Variants in USH2A observed in about 807,000 individuals in gnomAD.
USH2A encodes the protein usherin.
USH2A carries 443 observed loss-of-function variants against 538.9 expected under a neutral mutation model. That is an observed-to-expected ratio of 0.82 (90% CI 0.76 to 0.89). USH2A has a LOEUF of 0.89. Among genes scored for constraint, USH2A ranks in the 40% least tolerant of loss-of-function variants. The probability of loss-of-function intolerance (pLI) is 0.00; values close to 1 mark genes in which losing one functional copy is unlikely to be tolerated. For missense variants in USH2A, 6,633 were observed against 6,324.8 expected (o/e 1.05, Z -1.65); for synonymous variants, 2,413 against 2,273.5 (o/e 1.06, Z -1.75).
chr1:215,627,421 C>CCTTCCTTCT (rs1558027307), intron 71 of USH2A, among the ~76,000 whole-genome samples: 10 of 116,640 alleles, frequency 8.6e-5, no homozygotes, highest in African/African-American at 3.2e-4. Flanking sequence ...TCCTTCCTTC[C>CCTTCCTTCT]TTCCTTCCTT....
intron 30 of USH2A, among the ~76,000 whole-genome samples, chr1:216,049,510 G>A (rs766975594): frequency 2.0e-5 from 3 of 152,042 alleles, no homozygotes; most frequent in Non-Finnish European, 4.4e-5. Flanking sequence ...CCGCAAAGAC[G>A]TTTTTCAGAG....
chr1:216,003,849 A>G (rs1668330405), intron 32 of USH2A, among the ~76,000 whole-genome samples: 1 of 152,200 alleles, frequency 6.6e-6, no homozygotes, highest in African/African-American at 2.4e-5. Flanking sequence ...TGCCAGACGT[A>G]TAGATGGTAG....
chr1:216,390,013 TAA>T (rs34375465), intron 3 of USH2A, among the ~76,000 whole-genome samples: 92,851 of 151,796 alleles, frequency 0.61, 30,201 homozygotes, highest in East Asian at 0.8. Context: ...CTGTCAGTTT[TAA>T]AAGACAGTAA....
At chr1:216,231,272 A>ATATATATAATATATATATT (rs1448269695) in intron 14 of USH2A, among the ~76,000 whole-genome samples, 1 of 43,728 alleles carries the variant, frequency 2.3e-5, no homozygotes, top group Non-Finnish European at 4.7e-5. Context: ...ATATATATAT[A>ATATATATAATATATATATT]ATATATATAC....
intron 30 of USH2A, among the ~76,000 whole-genome samples, chr1:216,053,033 G>T (rs539816823): frequency 6.6e-6 from 1 of 152,096 alleles, no homozygotes; most frequent in African/African-American, 2.4e-5. Flanking sequence ...CGCTATATGC[G>T]TCTGGAAAAG....
intron 61 of USH2A, among the ~76,000 whole-genome samples, chr1:215,691,526 T>A (rs1467927417): frequency 2.0e-5 from 3 of 152,226 alleles, no homozygotes; most frequent in Non-Finnish European, 4.4e-5. Flanking sequence ...ATCTTCTCAA[T>A]GAGCCACTCT....
intron 64 of USH2A, among the ~76,000 whole-genome samples, chr1:215,669,146 TGTTTCTTATATATGG>T (rs1657728413): frequency 6.6e-6 from 1 of 152,124 alleles, no homozygotes; most frequent in African/African-American, 2.4e-5. Flanking sequence ...AGAAAGTTTG[TGTTTCTTATATATGG>T]GTCATTAAGT....
chr1:215,780,321 G>A (rs1048240364), intron 54 of USH2A, among the ~76,000 whole-genome samples: 7 of 152,032 alleles, frequency 4.6e-5, no homozygotes, highest in African/African-American at 1.7e-4. Flanking sequence ...GTTTAAACAA[G>A]TAAAATCTGG....
chr1:215,659,396 G>A (rs1657373134), intron 64 of USH2A, among the ~76,000 whole-genome samples: 1 of 152,142 alleles, frequency 6.6e-6, no homozygotes, highest in Non-Finnish European at 1.5e-5. Flanking sequence ...GACAGAATTG[G>A]ACAAAAATGA....
intron 3 of USH2A, among the ~76,000 whole-genome samples, chr1:216,414,400 A>G (rs1478714039): frequency 6.6e-6 from 1 of 152,148 alleles, no homozygotes; most frequent in African/African-American, 2.4e-5. Context: ...ATTCATTACC[A>G]TAGCAATATT....
intron 47 of USH2A, among the ~76,000 whole-genome samples, chr1:215,833,453 A>G (rs960561250): frequency 2.0e-5 from 3 of 152,012 alleles, no homozygotes; most frequent in Non-Finnish European, 2.9e-5. Context: ...AGAAAAGATA[A>G]TCTTTCCAAA....
At chr1:215,670,567 T>C (rs1315172823) in intron 64 of USH2A, among the ~76,000 whole-genome samples, 1 of 152,202 alleles carries the variant, frequency 6.6e-6, no homozygotes, top group African/African-American at 2.4e-5. Flanking sequence ...TCTGTATCTT[T>C]CTTGAGCACC....
intron 56 of USH2A, among the ~76,000 whole-genome samples, chr1:215,761,813 G>A (rs1660990139): frequency 6.6e-6 from 1 of 152,068 alleles, no homozygotes; most frequent in Non-Finnish European, 1.5e-5. Context: ...ACCACTTTAT[G>A]TTGTCATCTA....
chr1:215,920,562 C>G (rs1666073658), intron 38 of USH2A, among the ~76,000 whole-genome samples: 1 of 152,014 alleles, frequency 6.6e-6, no homozygotes, highest in African/African-American at 2.4e-5. Context: ...TATTCCTTGT[C>G]TAAACCCATT....
At position 216,246,619 on chromosome 1, in the gene USH2A, A is replaced by G. The variant is rs779331611; in HGVS notation, c.2775T>C (p.Asn925=). 2.9e-5 allele frequency: 47 copies of G among 1,613,956 alleles called. 1 individual carries two copies. The South Asian group carries it at 5.0e-4, about 17-fold the overall frequency. Residue 925 remains asparagine, a synonymous_variant, in exon 13 of 72, where the codon AAT becomes AAC. Coordinates refer to ENST00000307340, the MANE Select transcript of USH2A (RefSeq NM_206933.4). ...ACTGATTACACCTTCTTCCTTGACG[A>G]TTAGGCACACACAGGCACTGGCCAC... ...PISGQCLCVP[N]RQGRRCNQCQ... is the part of the protein sequence containing the mutation.
intron 55 of USH2A, among the ~76,000 whole-genome samples, chr1:215,767,410 A>G (rs1661162747): frequency 1.3e-5 from 2 of 152,198 alleles, no homozygotes; most frequent in African/African-American, 4.8e-5. Flanking sequence ...AGCCATATTC[A>G]ACTCATATTA....
intron 38 of USH2A, among the ~76,000 whole-genome samples, chr1:215,916,668 A>G (rs537258548): frequency 6.6e-6 from 1 of 152,244 alleles, no homozygotes; most frequent in African/African-American, 2.4e-5. Context: ...CTTTAATTAG[A>G]ATGGAAAAGA....
At chr1:215,759,866 G>T in intron 56 of USH2A, 23 bp from the exon 57 acceptor site, 1 of 1,613,604 alleles carries the variant, frequency 6.2e-7, no homozygotes, top group Non-Finnish European at 8.5e-7. Flanking sequence ...ACGCAATGAG[G>T]TTTTATTGTT....
intron 47 of USH2A, among the ~76,000 whole-genome samples, chr1:215,824,540 T>C (rs1253894726): frequency 6.6e-6 from 1 of 152,088 alleles, no homozygotes; most frequent in Non-Finnish European, 1.5e-5. Flanking sequence ...CCAGGAAACC[T>C]GTGGAGCAAA....
Sources: allele counts gnomAD v4.1 joint callset (sites outside exome capture counted in the v4.1 genomes callset), GRCh38; gene constraint gnomAD v4.1.1; transcripts MANE v1.5; gene names NCBI Gene and HGNC (gene_info 2026-07-23, HGNC 2026-07-21).